The following SYN3 variants were observed in gnomAD, a reference collection of about 807,000 sequenced individuals.
SYN3 encodes the protein synapsin-3.
A neutral mutation model predicts 65.8 loss-of-function variants in SYN3; 35 were observed. The ratio of observed to expected loss-of-function variants is 0.53; its 90% CI spans 0.41 to 0.70. SYN3 has a LOEUF of 0.70. Among genes scored for constraint, SYN3 ranks in the 30% least tolerant of loss-of-function variants. The probability of loss-of-function intolerance (pLI) is 0.00; values close to 1 mark genes in which losing one functional copy is unlikely to be tolerated. For missense variants in SYN3, 680 were observed against 749.0 expected, an observed-to-expected ratio of 0.91 and a Z score of 1.08; for synonymous variants, 270 against 292.9, an observed-to-expected ratio of 0.92 and a Z score of 0.80.
intron 6 of SYN3, among the ~76,000 whole-genome samples, chr22:32,643,079 T>C (rs1416011888): frequency 6.6e-6 from 1 of 152,068 alleles, no homozygotes; most frequent in East Asian, 1.9e-4. Context: ...GTTTGTTTGT[T>C]TTTTGTTTTT....
chr22:32,596,622 C>A, intron 7 of SYN3, 52 bp downstream of exon 7: 1 of 1,589,780 alleles, frequency 6.3e-7, no homozygotes, highest in South Asian at 1.1e-5. Flanking sequence ...AACAGGTAGT[C>A]TGGGGAATCT....
intron 6 of SYN3, among the ~76,000 whole-genome samples, chr22:32,615,700 C>T (rs2059509742): frequency 6.6e-6 from 1 of 152,142 alleles, no homozygotes; most frequent in East Asian, 1.9e-4. Flanking sequence ...TTAAACCCAC[C>T]CTAGTGTGTG....
chr22:32,799,670 G>A (rs145236119), intron 6 of SYN3, among the ~76,000 whole-genome samples: 33 of 152,264 alleles, frequency 2.2e-4, no homozygotes, highest in African/African-American at 7.2e-4. Flanking sequence ...CATGTGGGGC[G>A]CGGGGATAAG....
At chr22:32,933,083 C>T (rs1019438207) in intron 3 of SYN3, among the ~76,000 whole-genome samples, 24 of 152,292 alleles carry the variant, frequency 1.6e-4, no homozygotes, top group African/African-American at 5.3e-4. Context: ...AAGTCACATT[C>T]TACTGTGGGT....
Position 32,513,831 on chromosome 22 carries a change from CAGAA to C in SYN3, c.1611-11_1611-8del, listed in dbSNP as rs574888063. ...AGTCAGGGACTGAGATTTGCTGAAACAGAAAGGCAAGGGGGTTGAGGAAGACAAG... is the reference window on the plus strand; with the variant it reads ...AGTCAGGGACTGAGATTTGCTGAAACAGGCAAGGGGGTTGAGGAAGACAAG... On this transcript the variant is annotated splice_region_variant and splice_polypyrimidine_tract_variant and intron_variant, in intron 13 of 13. Coordinates refer to ENST00000358763, the MANE Select transcript of SYN3 (RefSeq NM_003490.4). 1.5e-5 allele frequency: 25 copies of C among 1,613,924 alleles called. No individual in the cohort carries two copies. The highest frequency in any genetic ancestry group is 1.3e-4 in the South Asian group (12 of 91,060).
At chr22:33,034,596 G>A (rs1274269064) in intron 1 of SYN3, among the ~76,000 whole-genome samples, 3 of 152,184 alleles carry the variant, frequency 2.0e-5, no homozygotes, top group Non-Finnish European at 2.9e-5. Context: ...CAGACGGGGA[G>A]CATTTTTCTC....
intron 1 of SYN3, among the ~76,000 whole-genome samples, chr22:33,028,094 T>C (rs989227785): frequency 6.6e-6 from 1 of 152,142 alleles, no homozygotes. Context: ...GGTCCAGTTT[T>C]AATTACAGAA....
At chr22:33,057,105 C>G (rs756621272) in intron 1 of SYN3, among the ~76,000 whole-genome samples, 2 of 152,174 alleles carry the variant, frequency 1.3e-5, no homozygotes, top group Non-Finnish European at 2.9e-5. Flanking sequence ...AGAGGGGGCT[C>G]CCTTAAGCAG....
chr22:32,996,215 A>T (rs1284632592), intron 2 of SYN3, among the ~76,000 whole-genome samples: 1 of 152,154 alleles, frequency 6.6e-6, no homozygotes, highest in Non-Finnish European at 1.5e-5. Flanking sequence ...CTAGCCAGGC[A>T]CTGTGCTGGG....
intron 6 of SYN3, among the ~76,000 whole-genome samples, chr22:32,605,533 G>C (rs967384158): frequency 6.6e-6 from 1 of 152,190 alleles, no homozygotes; most frequent in Non-Finnish European, 1.5e-5. Context: ...TAAGCCTCTT[G>C]ATACTTCTTC....
intron 6 of SYN3, among the ~76,000 whole-genome samples, chr22:32,651,465 T>C (rs949549404): frequency 6.6e-6 from 1 of 152,120 alleles, no homozygotes; most frequent in Admixed American, 6.5e-5. Context: ...CCCCTCTCCA[T>C]GATATGCATG....
intron 7 of SYN3, among the ~76,000 whole-genome samples, chr22:32,576,245 T>C (rs1263830776): frequency 6.6e-6 from 1 of 152,156 alleles, no homozygotes; most frequent in Non-Finnish European, 1.5e-5. Context: ...TAACTATTAA[T>C]AGTATGGCCA....
intron 6 of SYN3, among the ~76,000 whole-genome samples, chr22:32,793,426 G>A (rs969615218): frequency 6.6e-6 from 1 of 152,162 alleles, no homozygotes; most frequent in African/African-American, 2.4e-5. Flanking sequence ...ACAACTCCCT[G>A]CTGCCTGGTT....
intron 6 of SYN3, among the ~76,000 whole-genome samples, chr22:32,644,837 C>G (rs992423696): frequency 1.3e-5 from 2 of 152,138 alleles, no homozygotes; most frequent in Non-Finnish European, 2.9e-5. Context: ...GGCTTTTCTC[C>G]TCTTTTTCTG....
At chr22:32,979,440 T>G (rs1005283219) in intron 3 of SYN3, among the ~76,000 whole-genome samples, 1 of 152,162 alleles carries the variant, frequency 6.6e-6, no homozygotes, top group Non-Finnish European at 1.5e-5. Flanking sequence ...AAATTCAAAG[T>G]GTAGGTGTTT....
intron 6 of SYN3, among the ~76,000 whole-genome samples, chr22:32,737,951 A>T (rs5998606): frequency 6.6e-6 from 1 of 152,182 alleles, no homozygotes; most frequent in African/African-American, 2.4e-5. Flanking sequence ...ATGCAGGAGG[A>T]CTGCCTGACC....
At chr22:32,928,793 A>G (rs1229459813) in intron 4 of SYN3, among the ~76,000 whole-genome samples, 1 of 152,144 alleles carries the variant, frequency 6.6e-6, no homozygotes, top group Non-Finnish European at 1.5e-5. Context: ...GATTAAATGA[A>G]TATTAGGCCC....
intron 3 of SYN3, among the ~76,000 whole-genome samples, chr22:32,961,594 C>G (rs2051654668): frequency 6.6e-6 from 1 of 152,220 alleles, no homozygotes; most frequent in Non-Finnish European, 1.5e-5. Flanking sequence ...CGTAGCAACC[C>G]CACAGAATGT....
At chr22:32,558,934 A>C (rs531858609) in intron 7 of SYN3, among the ~76,000 whole-genome samples, 8 of 152,242 alleles carry the variant, frequency 5.3e-5, no homozygotes, top group Non-Finnish European at 1.0e-4. Context: ...CTGGTCTGGG[A>C]CCATGTGACT....
Sources: allele counts gnomAD v4.1 joint callset (sites outside exome capture counted in the v4.1 genomes callset), GRCh38; gene constraint gnomAD v4.1.1; transcripts MANE v1.5; gene names NCBI Gene and HGNC (gene_info 2026-07-23, HGNC 2026-07-21).